The following GALNT5 variants were observed in gnomAD, a reference collection of about 807,000 sequenced individuals.
GALNT5 encodes the protein polypeptide N-acetylgalactosaminyltransferase 5, also known as UDP-GalNAc:polypeptide N-acetylgalactosaminyltransferase 5.
In GALNT5, 72 loss-of-function variants were observed where a neutral mutation model predicts 85.4. The observed-to-expected ratio is 0.84, with a 90% CI of 0.70 to 1.03. The LOEUF (loss-of-function observed/expected upper bound fraction) is 1.03. Ranked by LOEUF, GALNT5 falls within the 50% of genes least tolerant of loss-of-function variation. The pLI, the probability that GALNT5 is intolerant of heterozygous loss-of-function variation, is 0.00. For synonymous variants in GALNT5, 404 were observed against 397.0 expected (o/e 1.02, Z -0.21); for missense variants, 1,137 against 1,135.5 (o/e 1.00, Z -0.02).
At chr2:157,271,168 G>A (rs1682575872) in intron 1 of GALNT5, among the ~76,000 whole-genome samples, 1 of 152,106 alleles carries the variant, frequency 6.6e-6, no homozygotes. Context: ...ATTTAAGATA[G>A]GAACTAAAGG....
intron 3 of GALNT5, 81 bp downstream of exon 3, chr2:157,286,215 GA>G: frequency 4.2e-6 from 5 of 1,191,814 alleles, no homozygotes; most frequent in Non-Finnish European, 6.1e-6. Context: ...AAATGTGAAA[GA>G]CCAGCACAAT....
intron 1 of GALNT5, 119 bp from the exon 2 acceptor site, chr2:157,284,163 C>A: frequency 1.4e-6 from 1 of 733,876 alleles, no homozygotes; most frequent in Non-Finnish European, 2.4e-6. Context: ...ATAGACCAGA[C>A]AGATCGATGA....
chr2:157,306,273 G>C (rs539795135), intron 8 of GALNT5, among the ~76,000 whole-genome samples: 1 of 152,270 alleles, frequency 6.6e-6, no homozygotes, highest in South Asian at 2.1e-4. Flanking sequence ...AGATACTAAA[G>C]AGACAACATA....
At chr2:157,305,431 A>C (rs1400189788) in intron 7 of GALNT5, among the ~76,000 whole-genome samples, 3 of 152,208 alleles carry the variant, frequency 2.0e-5, no homozygotes, top group Non-Finnish European at 2.9e-5. Flanking sequence ...ACTTAAGACA[A>C]GAAAATAATT....
At chr2:157,277,314 G>A (rs1042638091) in intron 1 of GALNT5, among the ~76,000 whole-genome samples, 1 of 152,180 alleles carries the variant, frequency 6.6e-6, no homozygotes, top group Non-Finnish European at 1.5e-5. Flanking sequence ...GGGGTGGAGA[G>A]TTCTGTAGAT....
intron 6 of GALNT5, 71 bp downstream of exon 6, chr2:157,299,736 T>A: frequency 2.4e-6 from 2 of 824,308 alleles, no homozygotes. Context: ...TTGATTTTAC[T>A]ACCATAATCA....
In GALNT5 at chr2:157,315,116, C is replaced by T. The variant is rs189428957; in HGVS notation, c.*3768C>T. Among the ~76,000 whole-genome samples, 495 of 151,912 alleles carry T rather than the reference C, an allele frequency of 3.3e-3. 2 individuals are homozygous for T. Among genetic ancestry groups the T allele is most frequent in the African/African-American group, 0.011 (454 of 41,420 alleles). On this transcript the variant is annotated 3_prime_UTR_variant, in exon 10 of 10. Coordinates refer to ENST00000259056, the MANE Select transcript of GALNT5 (RefSeq NM_014568.3). ...AATAATTTTTACCTCAGAAGAAAGC[C>T]CCAAAATCTTGGATTAAAACAAAAA...
Position 157,299,600 on chromosome 2 carries a change from G to C in GALNT5, c.2050G>C (p.Glu684Gln). Residue 684 changes from glutamate (E) to glutamine (Q), a missense_variant, in exon 6 of 10, where the codon GAA (glutamate) becomes CAA (glutamine). Glu to Gln is a conservative substitution (Grantham distance 29). Coordinates refer to ENST00000259056, the MANE Select transcript of GALNT5 (RefSeq NM_014568.3). The stretch of plus-strand genomic sequence containing the variant: ...TTCTATTGACAAAAGTTACTTTTTT[G>C]AACTTGGAACATACGACCCTGGCCT... ...LFSIDKSYFF[E>Q]LGTYDPGLDV... 1 of 1,613,348 alleles carries C rather than the reference G, an allele frequency of 6.2e-7. No individual in the cohort carries two copies. The highest frequency in any genetic ancestry group is 8.5e-7 in the Non-Finnish European group (1 of 1,179,426).
chr2:157,301,887 A>G (rs1413028405), intron 7 of GALNT5, among the ~76,000 whole-genome samples: 2 of 152,214 alleles, frequency 1.3e-5, no homozygotes, highest in Admixed American at 6.5e-5. Context: ...GCTAAGCCAG[A>G]TAAGGTAGCC....
Position 157,293,988 on chromosome 2 carries a change from G to A in GALNT5, c.1742-1675G>A, listed in dbSNP as rs75646049. On this transcript the variant is annotated intron_variant, in intron 3 of 9. Coordinates refer to ENST00000259056, the MANE Select transcript of GALNT5 (RefSeq NM_014568.3). ...GTTCTTTAGTTTCCTTGTCTCTTAA[G>A]TGGGAATAAAAATTAGTTCTATACT... 6.7e-3 allele frequency among the ~76,000 whole-genome samples: 1,021 copies of A among 152,298 alleles called. 9 individuals carry two copies. The highest frequency in any genetic ancestry group is 0.023 in the African/African-American group (974 of 41,572).
At chr2:157,277,590 CTT>C (rs1442410713) in intron 1 of GALNT5, among the ~76,000 whole-genome samples, 1 of 152,122 alleles carries the variant, frequency 6.6e-6, no homozygotes, top group African/African-American at 2.4e-5. Flanking sequence ...TTCTTTGTCT[CTT>C]TTGATCTTTG....
intron 1 of GALNT5, among the ~76,000 whole-genome samples, chr2:157,270,907 A>G (rs1479043693): frequency 6.6e-6 from 1 of 152,238 alleles, no homozygotes; most frequent in Admixed American, 6.5e-5. Context: ...CAAGGTCAGG[A>G]GATCGAGACC....
chr2:157,305,874 G>A lies in GALNT5; in HGVS notation c.2520+45G>A, dbSNP rs766944668. The A allele has an allele frequency of 4.0e-6, 4 of 993,706 alleles. No individual in the cohort carries two copies. In the South Asian group the frequency reaches 4.1e-5, roughly 10 times the overall value. 61.6% of individuals were successfully genotyped at this position (993,706 alleles called of 1,614,324 possible). On this transcript the variant is annotated intron_variant, in intron 8 of 9. Transcript: ENST00000259056. Reference sequence around the variant, plus strand: ...ATCTCATGGTAGCTGATAGGTGCAGGGTATGACACATTCATTGCTCAACTG... The same window carrying A: ...ATCTCATGGTAGCTGATAGGTGCAGAGTATGACACATTCATTGCTCAACTG...
At chr2:157,308,852 T>TAA (rs1263645295) in intron 9 of GALNT5, 124 bp downstream of exon 9, 5 of 674,844 alleles carry the variant, frequency 7.4e-6, no homozygotes, top group African/African-American at 3.6e-5. Flanking sequence ...TGGGATTATG[T>TAA]AAAAGTTCAT....
In GALNT5 at chr2:157,258,090, G is replaced by A. The variant is rs376299726; in HGVS notation, c.8G>A (p.Arg3Lys). Residue 3 changes from arginine to lysine, a missense_variant, in exon 1 of 10, where the codon AGG (arginine) becomes AAG (lysine). Arg to Lys is a conservative substitution (Grantham distance 26). Coordinates refer to ENST00000259056, the MANE Select transcript of GALNT5 (RefSeq NM_014568.3). MN[R>K]IRKFFRGSGR... Reference sequence around the variant, plus strand: ...TAGGGAAAGCTTTGTACCATGAACAGGATCCGAAAGTTTTTCCGAGGAAGT... The same window carrying A: ...TAGGGAAAGCTTTGTACCATGAACAAGATCCGAAAGTTTTTCCGAGGAAGT... 158 of 1,613,538 alleles carry A rather than the reference G, an allele frequency of 9.8e-5. 3 individuals carry two copies. The South Asian group carries it at 1.6e-3, about 16-fold the overall frequency.
chr2:157,267,764 C>A (rs1162436522), intron 1 of GALNT5, among the ~76,000 whole-genome samples: 1 of 152,200 alleles, frequency 6.6e-6, no homozygotes, highest in Non-Finnish European at 1.5e-5. Context: ...GCAACCACAG[C>A]CGCAGCTGGC....
At position 157,298,106 on chromosome 2, in the gene GALNT5, G is replaced by A. The variant is rs77703478; in HGVS notation, c.1998-1442G>A. 3.4e-4 allele frequency among the ~76,000 whole-genome samples: 52 copies of A among 152,266 alleles called. 1 individual carries two copies. In the East Asian group the frequency reaches 9.6e-3, roughly 28 times the overall value. ...CTGTCAGTAAAGTTTGTGTGTGGTT[G>A]TGAGGCAGGAGAATAGGGTCTGGAG... is the stretch of plus-strand genomic sequence containing the variant. On this transcript the variant is annotated intron_variant, in intron 5 of 9. Transcript: ENST00000259056.
chr2:157,266,715 T>C (rs556893683), intron 1 of GALNT5, among the ~76,000 whole-genome samples: 27 of 152,264 alleles, frequency 1.8e-4, no homozygotes, highest in Admixed American at 9.1e-4. Context: ...AGCAAACTAA[T>C]AGCAAATTTG....
intron 1 of GALNT5, among the ~76,000 whole-genome samples, chr2:157,264,501 C>T (rs1432300650): frequency 2.6e-5 from 4 of 152,090 alleles, no homozygotes; most frequent in African/African-American, 9.7e-5. Context: ...TCTGGCAAGC[C>T]CCTCAATAAA....
Sources: gnomAD v4.1 joint callset for allele counts (sites outside exome capture counted in the v4.1 genomes callset) on GRCh38, gnomAD v4.1.1 for gene constraint, MANE v1.5 for transcripts, NCBI Gene and HGNC (gene_info 2026-07-23, HGNC 2026-07-21) for gene names.